MED12L: variants seen among roughly 807,000 people sequenced by gnomAD.
The protein encoded by MED12L is mediator of RNA polymerase II transcription subunit 12-like protein.
In MED12L, 60 loss-of-function variants were observed where a neutral mutation model predicts 281.3. The ratio of observed to expected loss-of-function variants is 0.21; its 90% CI spans 0.17 to 0.26. The LOEUF (loss-of-function observed/expected upper bound fraction) is 0.26, where lower values mean the gene tolerates loss of function less well. MED12L is among the 10% of genes least tolerant of loss of function. MED12L has a pLI of 1.00. For synonymous variants in MED12L, 974 were observed against 987.2 expected (o/e 0.99, Z 0.25); for missense variants, 2,146 against 2,680.9 (o/e 0.80, Z 4.41).
At chr3:151,328,620 T>C (rs1749962069) in intron 16 of MED12L, 1 of 1,613,864 alleles carries the variant, frequency 6.2e-7, no homozygotes, top group Non-Finnish European at 8.5e-7. Context: ...AAAGGTCTGA[T>C]GATCTTGAGG....
chr3:151,375,999 T>C, intron 27 of MED12L, 27 bp from the exon 28 acceptor site: 3 of 1,296,722 alleles, frequency 2.3e-6, no homozygotes, highest in Non-Finnish European at 3.1e-6. Flanking sequence ...CCAGTGCCTG[T>C]CAATCTAATT....
intron 16 of MED12L, among the ~76,000 whole-genome samples, chr3:151,330,618 C>T (rs745814751): frequency 5.3e-5 from 8 of 152,068 alleles, no homozygotes; most frequent in Admixed American, 2.0e-4. Context: ...TGGAGTTAGA[C>T]GAGACTAGTG....
At chr3:151,121,994 G>A (rs899668954) in intron 3 of MED12L, among the ~76,000 whole-genome samples, 21 of 152,210 alleles carry the variant, frequency 1.4e-4, no homozygotes, top group Admixed American at 9.8e-4. Flanking sequence ...GATTACAGGC[G>A]TGAGCCACCA....
At chr3:151,382,842 C>A in intron 33 of MED12L, 97 bp downstream of exon 33, 1 of 862,816 alleles carries the variant, frequency 1.2e-6, no homozygotes, top group Non-Finnish European at 1.8e-6. Context: ...GTCTGCATTA[C>A]AAGGTGAGGC....
intron 16 of MED12L, among the ~76,000 whole-genome samples, chr3:151,285,349 G>T (rs1743334033): frequency 6.6e-6 from 1 of 152,096 alleles, no homozygotes. Context: ...GCCGGGTGTG[G>T]TGGCGGGTGC....
intron 16 of MED12L, among the ~76,000 whole-genome samples, chr3:151,290,191 C>A (rs1295349822): frequency 6.6e-6 from 1 of 152,132 alleles, no homozygotes; most frequent in East Asian, 1.9e-4. Flanking sequence ...CGACCGTACT[C>A]TAACATAATT....
Position 151,213,256 on chromosome 3 carries a change from T to A in MED12L, c.2250+19590T>A, listed in dbSNP as rs201740627. ...TTGATTTCTGTTATGTAATTGAAGATGACAACATGCACACGTGGTCTTTCT... is the reference window on the plus strand; with the variant it reads ...TTGATTTCTGTTATGTAATTGAAGAAGACAACATGCACACGTGGTCTTTCT... On this transcript the variant is annotated intron_variant, in intron 16 of 44. Coordinates refer to ENST00000687756, the MANE Select transcript of MED12L (RefSeq NM_001393769.1). 4 of 1,434,144 alleles carry A rather than the reference T, an allele frequency of 2.8e-6. No individual in the cohort carries two copies. In the East Asian group the frequency reaches 9.1e-5, roughly 33 times the overall value. 88.8% of individuals were successfully genotyped at this position (1,434,144 alleles called of 1,614,324 possible).
intron 37 of MED12L, 85 bp downstream of exon 37, chr3:151,388,257 T>C: frequency 6.8e-7 from 1 of 1,478,574 alleles, no homozygotes; most frequent in Non-Finnish European, 9.0e-7. Context: ...CCTCGAAACA[T>C]TACCAAGAGC....
At chr3:151,406,328 GAACT>G (rs1716303849) in intron 39 of MED12L, among the ~76,000 whole-genome samples, 1 of 152,056 alleles carries the variant, frequency 6.6e-6, no homozygotes, top group African/African-American at 2.4e-5. Flanking sequence ...TCAACTAATT[GAACT>G]GTTTCTACAA....
chr3:151,289,822 A>G (rs1243541081), intron 16 of MED12L, among the ~76,000 whole-genome samples: 2 of 152,078 alleles, frequency 1.3e-5, no homozygotes, highest in Admixed American at 1.3e-4. Context: ...GTATGGTTCA[A>G]TTCTAGGAGT....
intron 2 of MED12L, among the ~76,000 whole-genome samples, chr3:151,097,563 G>T (rs1033147700): frequency 6.6e-6 from 1 of 152,178 alleles, no homozygotes; most frequent in Non-Finnish European, 1.5e-5. Context: ...CAAATGCTAA[G>T]AGCATTAGAT....
In MED12L at chr3:151,366,053, T is replaced by A; in HGVS notation, c.3327+62T>A. ...AATTAAATATTTAGTTAGTGGGTAA[T>A]CTTTTTGCTTTTGGCTTTTATTTAA... is the stretch of plus-strand genomic sequence containing the variant. On this transcript the variant is annotated intron_variant, in intron 23 of 44. Transcript: ENST00000687756. The A allele has an allele frequency of 2.2e-6, 3 of 1,337,108 alleles. 1 individual carries two copies. In the South Asian group the frequency reaches 6.4e-5, roughly 28 times the overall value. 82.8% of individuals were successfully genotyped at this position (1,337,108 alleles called of 1,614,324 possible).
At chr3:151,295,063 AC>A in intron 16 of MED12L, 2 of 1,614,004 alleles carry the variant, frequency 1.2e-6, no homozygotes, top group Non-Finnish European at 1.7e-6. Context: ...ACACTGCTAA[AC>A]CATTCAGCAA....
chr3:151,286,271 C>A (rs1228952235), intron 16 of MED12L, among the ~76,000 whole-genome samples: 1 of 152,002 alleles, frequency 6.6e-6, no homozygotes, highest in Non-Finnish European at 1.5e-5. Flanking sequence ...CTCTTGAAAT[C>A]AATACAGAAC....
chr3:151,297,435 G>A (rs1344967685), intron 16 of MED12L, among the ~76,000 whole-genome samples: 1 of 151,686 alleles, frequency 6.6e-6, no homozygotes, highest in Admixed American at 6.6e-5. Flanking sequence ...ATAGAGAGAG[G>A]ACATGTGAGT....
intron 16 of MED12L, chr3:151,199,415 T>A (rs370773717): frequency 1.3e-6 from 2 of 1,551,120 alleles, no homozygotes; most frequent in African/African-American, 2.8e-5. Flanking sequence ...TGACTGCTTA[T>A]TGAAAAGAAA....
chr3:151,148,094 A>C (rs1415827665), intron 5 of MED12L, among the ~76,000 whole-genome samples: 1 of 152,072 alleles, frequency 6.6e-6, no homozygotes, highest in East Asian at 1.9e-4. Context: ...TTTGATTTGC[A>C]TTTCTCTATC....
rs1450366995 is a variant in MED12L at position 151,433,113 on chromosome 3, C to G, written c.*309C>G. Reference sequence around the variant, plus strand: ...GGTGCTTTTTTTGAATCTCACATTTCTAGAAAGAATGGATTATGATGGATC... The same window carrying G: ...GGTGCTTTTTTTGAATCTCACATTTGTAGAAAGAATGGATTATGATGGATC... On this transcript the variant is annotated 3_prime_UTR_variant, in exon 45 of 45. Coordinates refer to ENST00000687756, the MANE Select transcript of MED12L (RefSeq NM_001393769.1). The G allele has an allele frequency of 3.8e-6, 1 of 265,592 alleles. No homozygotes were observed. Among genetic ancestry groups the G allele is most frequent in the Non-Finnish European group, 7.1e-6 (1 of 139,938 alleles). 16.5% of individuals were successfully genotyped at this position (265,592 alleles called of 1,614,324 possible).
At chr3:151,339,259 AC>A (rs2149940567) in intron 16 of MED12L, among the ~76,000 whole-genome samples, 1 of 152,062 alleles carries the variant, frequency 6.6e-6, no homozygotes, top group African/African-American at 2.4e-5. Context: ...ATTCACAGTC[AC>A]TTTTCCCCCC....
Sources: allele counts gnomAD v4.1 joint callset (sites outside exome capture counted in the v4.1 genomes callset), GRCh38; gene constraint gnomAD v4.1.1; transcripts MANE v1.5; gene names NCBI Gene and HGNC (gene_info 2026-07-23, HGNC 2026-07-21).